USP25: variants seen among roughly 807,000 people sequenced by gnomAD.
USP25 encodes the protein ubiquitin specific peptidase 25.
Under a neutral mutation model 158.5 loss-of-function variants are expected in USP25, and 85 were observed. The ratio of observed to expected loss-of-function variants is 0.54; its 90% CI spans 0.45 to 0.64. The LOEUF is 0.64. Ranked by LOEUF, USP25 falls within the 30% of genes least tolerant of loss-of-function variation. The probability of loss-of-function intolerance (pLI) is 0.00; values close to 1 mark genes in which losing one functional copy is unlikely to be tolerated. For synonymous variants in USP25, 464 were observed against 460.4 expected (o/e 1.01, Z -0.10); for missense variants, 1,242 against 1,327.3 (o/e 0.94, Z 1.00).
intron 20 of USP25, among the ~76,000 whole-genome samples, chr21:15,862,677 A>T (rs1185596644): frequency 6.6e-6 from 1 of 151,266 alleles, no homozygotes; most frequent in Non-Finnish European, 1.5e-5. Flanking sequence ...ATAATCTTAA[A>T]TATTAAAATA....
At chr21:15,808,628 A>G (rs2036507835) in intron 7 of USP25, among the ~76,000 whole-genome samples, 181 bp from the exon 8 acceptor site, 1 of 151,974 alleles carries the variant, frequency 6.6e-6, no homozygotes, top group African/African-American at 2.4e-5. Context: ...TTTTTCAAAT[A>G]TCTTATATCC....
chr21:15,806,035 A>G (rs531428309), intron 7 of USP25, among the ~76,000 whole-genome samples: 11 of 152,244 alleles, frequency 7.2e-5, no homozygotes, highest in African/African-American at 2.4e-4. Flanking sequence ...CTTTACATTT[A>G]CCTTGTATGG....
At chr21:15,769,383 G>A (rs938894294) in intron 3 of USP25, among the ~76,000 whole-genome samples, 1 of 151,942 alleles carries the variant, frequency 6.6e-6, no homozygotes, top group South Asian at 2.1e-4. Context: ...ATTCCATACT[G>A]TAATTCTGTT....
intron 1 of USP25, among the ~76,000 whole-genome samples, chr21:15,752,132 C>T (rs1266050057): frequency 6.6e-6 from 1 of 152,066 alleles, no homozygotes; most frequent in Non-Finnish European, 1.5e-5. Context: ...GGGGTTTCAC[C>T]ATGTTGGTCA....
At chr21:15,833,592 T>G (rs768739409) in intron 17 of USP25, 44 bp downstream of exon 17, 1 of 1,515,620 alleles carries the variant, frequency 6.6e-7, no homozygotes, top group East Asian at 2.4e-5. Flanking sequence ...TCAATATTAT[T>G]TTTATAATAA....
At chr21:15,747,608 T>C (rs1328903452) in intron 1 of USP25, among the ~76,000 whole-genome samples, 2 of 152,072 alleles carry the variant, frequency 1.3e-5, no homozygotes, top group Non-Finnish European at 2.9e-5. Context: ...GATAATATAA[T>C]GTTGTGTGAA....
intron 1 of USP25, among the ~76,000 whole-genome samples, chr21:15,735,726 G>C (rs1422660650): frequency 6.6e-6 from 1 of 152,032 alleles, no homozygotes; most frequent in Non-Finnish European, 1.5e-5. Context: ...TTTTTGATTT[G>C]AAAAATTAGA....
intron 1 of USP25, among the ~76,000 whole-genome samples, chr21:15,741,584 G>A (rs1010722549): frequency 6.6e-6 from 1 of 152,108 alleles, no homozygotes; most frequent in Non-Finnish European, 1.5e-5. Context: ...TTTCCCTAAT[G>A]ACTAATGATT....
At chr21:15,794,064 T>G (rs547744818) in intron 5 of USP25, among the ~76,000 whole-genome samples, 3 of 151,780 alleles carry the variant, frequency 2.0e-5, no homozygotes, top group Admixed American at 2.0e-4. Context: ...AAGTTTTGAT[T>G]ACAAAATTTT....
At chr21:15,810,506 G>T (rs970397633) in intron 8 of USP25, among the ~76,000 whole-genome samples, 4 of 151,958 alleles carry the variant, frequency 2.6e-5, no homozygotes, top group African/African-American at 9.7e-5. Flanking sequence ...ACTTTTGTTT[G>T]CTCCAAGCAG....
At chr21:15,852,417 G>A (rs1332072589) in intron 20 of USP25, among the ~76,000 whole-genome samples, 1 of 152,046 alleles carries the variant, frequency 6.6e-6, no homozygotes, top group African/African-American at 2.4e-5. Context: ...TCAGTTTCCC[G>A]AGGTGTTAAA....
intron 6 of USP25, among the ~76,000 whole-genome samples, chr21:15,804,012 A>T (rs950670012): frequency 9.9e-5 from 15 of 151,856 alleles, no homozygotes; most frequent in Non-Finnish European, 1.9e-4. Context: ...TAATATCTAA[A>T]TTTTTTCCGT....
At position 15,830,590 on chromosome 21, in the gene USP25, T is replaced by G; in HGVS notation, c.1753T>G (p.Ser585Ala). Reference sequence around the variant, plus strand: ...AATTGAATTAATGTACTCTGACAAATCTATGATACAAGTAAGTGAAATTTT... The same window carrying G: ...AATTGAATTAATGTACTCTGACAAAGCTATGATACAAGTAAGTGAAATTTT... ...RTIELMYSDK[S>A]MIQVPYRLHA... The change falls in exon 15 of 26, where the codon TCT becomes GCT. Residue 585 changes from serine to alanine, a missense_variant. Transcript: ENST00000400183. 1 of 1,595,990 alleles carries G rather than the reference T, an allele frequency of 6.3e-7. No homozygotes were observed. The highest frequency in any genetic ancestry group is 8.5e-7 in the Non-Finnish European group (1 of 1,171,752).
chr21:15,746,177 G>GT (rs1600792417), intron 1 of USP25, among the ~76,000 whole-genome samples: 1 of 152,130 alleles, frequency 6.6e-6, no homozygotes, highest in East Asian at 1.9e-4. Context: ...AGAATTTTTT[G>GT]TATTTCCATA....
chr21:15,736,857 T>A (rs376831427), intron 1 of USP25, among the ~76,000 whole-genome samples: 8 of 151,894 alleles, frequency 5.3e-5, no homozygotes, highest in Admixed American at 5.2e-4. Flanking sequence ...CTATTTAATT[T>A]TAACTGTGTT....
At chr21:15,779,180 A>G (rs2034821323) in intron 4 of USP25, among the ~76,000 whole-genome samples, 1 of 152,036 alleles carries the variant, frequency 6.6e-6, no homozygotes, top group Non-Finnish European at 1.5e-5. Flanking sequence ...AGTTGTGGCT[A>G]ATATTTATTG....
At position 15,778,041 on chromosome 21, in the gene USP25, T is replaced by A. The variant is rs1416512348; in HGVS notation, c.392+14T>A. ...AGCCATTAGCAGGTAAAAACATAAT[T>A]TGTATAAAGCAGATATAAGTACTTT... On this transcript the variant is annotated intron_variant, in intron 4 of 25. Transcript: ENST00000400183. 1.9e-6 allele frequency: 3 copies of A among 1,589,180 alleles called. No homozygotes were observed. In the East Asian group the frequency reaches 6.7e-5, roughly 36 times the overall value.
intron 5 of USP25, among the ~76,000 whole-genome samples, chr21:15,798,792 G>A (rs1265906707): frequency 6.6e-6 from 1 of 150,848 alleles, no homozygotes; most frequent in Non-Finnish European, 1.5e-5. Context: ...ATGTAATCTG[G>A]CTCTATTTCT....
intron 9 of USP25, among the ~76,000 whole-genome samples, chr21:15,814,186 C>T (rs375520527): frequency 2.0e-4 from 30 of 150,088 alleles, no homozygotes; most frequent in Admixed American, 5.9e-4. Flanking sequence ...TACCTCATTT[C>T]CTCTTGCTGC....
Sources: allele counts gnomAD v4.1 joint callset (sites outside exome capture counted in the v4.1 genomes callset), GRCh38; gene constraint gnomAD v4.1.1; transcripts MANE v1.5; gene names NCBI Gene and HGNC (gene_info 2026-07-23, HGNC 2026-07-21).